The following VASH2 variants were observed in gnomAD, a reference collection of about 807,000 sequenced individuals.
VASH2 encodes tubulinyl-Tyr carboxypeptidase 2.
In VASH2, 28 loss-of-function variants were observed where a neutral mutation model predicts 37.2. The observed-to-expected ratio is 0.75, with a 90% CI of 0.56 to 1.03. VASH2 has a LOEUF of 1.03. Ranked by LOEUF, VASH2 falls within the 50% of genes least tolerant of loss-of-function variation. VASH2 has a pLI of 0.00. For synonymous variants in VASH2, 188 were observed against 174.7 expected (o/e 1.08, Z -0.60); for missense variants, 419 against 459.1 (o/e 0.91, Z 0.80).
chr1:212,953,264 G>A (rs2102615721), intron 2 of VASH2, among the ~76,000 whole-genome samples: 1 of 152,146 alleles, frequency 6.6e-6, no homozygotes, highest in East Asian at 1.9e-4. Context: ...GGGAATCATG[G>A]AATTTTGCTG....
At chr1:212,986,568 T>C (rs1438322614) in intron 7 of VASH2, among the ~76,000 whole-genome samples, 1 of 152,168 alleles carries the variant, frequency 6.6e-6, no homozygotes, top group Non-Finnish European at 1.5e-5. Flanking sequence ...CAAGCAAACA[T>C]GTGTTCCTTT....
chr1:212,966,366 G>T, intron 5 of VASH2, 21 bp downstream of exon 5: 2 of 1,548,394 alleles, frequency 1.3e-6, no homozygotes, highest in Non-Finnish European at 1.7e-6. Flanking sequence ...AGTTATGTAT[G>T]CTTAGTTTAC....
intron 3 of VASH2, among the ~76,000 whole-genome samples, chr1:212,963,775 T>C (rs73084268): frequency 6.6e-6 from 1 of 152,006 alleles, no homozygotes; most frequent in South Asian, 2.1e-4. Flanking sequence ...ACTTTTTTTT[T>C]TTATTTTACT....
Position 212,972,698 on chromosome 1 carries a change from T to G in VASH2, c.616T>G (p.Ser206Ala), listed in dbSNP as rs1667044512. The G allele has an allele frequency of 6.2e-7, 1 of 1,614,110 alleles. No homozygotes were observed. The highest frequency in any genetic ancestry group is 1.7e-5 in the Admixed American group (1 of 59,996). ...LGIYCNGRYGSLGMSRRAELM... is the reference protein window; with the variant it reads ...LGIYCNGRYGALGMSRRAELM... ...GATTTACTGCAATGGCCGCTATGGC[T>G]CATTGGGCATGAGCCGCAGGGCTGA... is the stretch of plus-strand genomic sequence containing the variant. The change falls in exon 6 of 8, where the codon TCA (serine) becomes GCA (alanine). Residue 206 changes from serine to alanine, a missense_variant. This residue lies in a region of VASH2 where 84 missense variants were observed against 129.9 expected (regional missense o/e 0.65). Transcript: ENST00000517399.
chr1:212,980,442 T>C (rs1667309540), intron 7 of VASH2, among the ~76,000 whole-genome samples: 1 of 152,184 alleles, frequency 6.6e-6, no homozygotes, highest in African/African-American at 2.4e-5. Context: ...TCCCCTTTTC[T>C]TCCTCTTTGA....
At position 212,951,455 on chromosome 1, in the gene VASH2, CCGCGCCCG is replaced by C; in HGVS notation, c.-82_-75del. 1 of 799,796 alleles carries C rather than the reference CCGCGCCCG, an allele frequency of 1.3e-6. No homozygotes were observed. The highest frequency in any genetic ancestry group is 1.5e-6 in the Non-Finnish European group (1 of 651,348). 49.5% of individuals were successfully genotyped at this position (799,796 alleles called of 1,614,324 possible). On this transcript the variant is annotated 5_prime_UTR_variant, in exon 2 of 8. Coordinates refer to ENST00000517399, the MANE Select transcript of VASH2 (RefSeq NM_001301056.2). This position sits in a 1 kb window ranked among gnomAD's most constrained non-coding sequence, Gnocchi z 4.4. Reference sequence around the variant, plus strand: ...CCCCCGCGGGGCGCTGATCCCCTCGCCGCGCCCGCGCGCACACGCCCCCCGCCGCCGCC... The same window carrying C: ...CCCCCGCGGGGCGCTGATCCCCTCGCCGCGCACACGCCCCCCGCCGCCGCC...
At position 212,966,309 on chromosome 1, in the gene VASH2, T is replaced by A; in HGVS notation, c.461T>A (p.Leu154Ter). 2 of 1,551,736 alleles carry A rather than the reference T, an allele frequency of 1.3e-6. No individual in the cohort carries two copies. The highest frequency in any genetic ancestry group is 1.7e-6 in the Non-Finnish European group (2 of 1,146,998). ...GCAAAAGAAATGACCCGAGAGTCCTTGCCTATCAAATGCCTTGAAGCTGTC... is the reference window on the plus strand; with the variant it reads ...GCAAAAGAAATGACCCGAGAGTCCTAGCCTATCAAATGCCTTGAAGCTGTC... ...ETAKEMTRES[L>*]PIKCLEAVIL... Residue 154 changes from leucine to a stop codon, truncating the protein, a stop_gained, in exon 5 of 8, where the codon TTG (leucine) becomes TAG (stop). Coordinates refer to ENST00000517399, the MANE Select transcript of VASH2 (RefSeq NM_001301056.2). LOFTEE classifies it high-confidence loss of function.
intron 3 of VASH2, chr1:212,961,468 C>G (rs916958224): frequency 2.5e-5 from 25 of 989,336 alleles, no homozygotes; most frequent in Non-Finnish European, 1.8e-5. Flanking sequence ...TCCCCTTGAG[C>G]CCTTCTGCTT....
In VASH2 at chr1:212,971,162, T is replaced by C. The variant is rs189167708; in HGVS notation, c.498-1418T>C. On this transcript the variant is annotated intron_variant, in intron 5 of 7. Transcript: ENST00000517399. The surrounding 1 kb of genome is among the most constrained non-coding windows in gnomAD (Gnocchi z 4.0). ...ATGAGGCTGAATAAATTCTATTACA[T>C]GTATACACTACATTTTGTTCATCCC... Among the ~76,000 whole-genome samples the C allele has an allele frequency of 6.6e-6, 1 of 152,376 alleles. No homozygotes were observed. Among genetic ancestry groups the C allele is most frequent in the Non-Finnish European group, 1.5e-5 (1 of 68,042 alleles).
At chr1:212,973,555 CAT>C (rs956518039) in intron 6 of VASH2, 2 of 1,283,822 alleles carry the variant, frequency 1.6e-6, no homozygotes, top group African/African-American at 1.5e-5. Context: ...ACCATTCTGT[CAT>C]ATGTGTGGGA....
intron 7 of VASH2, among the ~76,000 whole-genome samples, chr1:212,985,748 C>T (rs921718992): frequency 2.0e-5 from 3 of 152,118 alleles, no homozygotes; most frequent in Non-Finnish European, 2.9e-5. Flanking sequence ...CCACTCCAGC[C>T]GTCGCTTCCA....
chr1:212,973,023 G>T, intron 6 of VASH2, 62 bp downstream of exon 6: 1 of 1,561,522 alleles, frequency 6.4e-7, no homozygotes, highest in East Asian at 2.3e-5. Flanking sequence ...CTTTCTCTCT[G>T]TCTCTTGCTC....
intron 3 of VASH2, among the ~76,000 whole-genome samples, chr1:212,962,429 G>C (rs1343811095): frequency 6.6e-6 from 1 of 152,174 alleles, no homozygotes; most frequent in Non-Finnish European, 1.5e-5. Context: ...CTGGCTTTCT[G>C]TTTGTCTGTC....
intron 4 of VASH2, chr1:212,966,023 G>C: frequency 1.7e-6 from 1 of 600,376 alleles, no homozygotes; most frequent in Non-Finnish European, 2.9e-6. Flanking sequence ...GCCTCTCGAG[G>C]CTTCATTTAT....
At position 212,965,621 on chromosome 1, in the gene VASH2, C is replaced by T. The variant is rs76023698; in HGVS notation, c.366-101C>T. On this transcript the variant is annotated intron_variant, in intron 3 of 7. Coordinates refer to ENST00000517399, the MANE Select transcript of VASH2 (RefSeq NM_001301056.2). ...TGCTGGCGACTTCTGAAAGCCCTCA[C>T]ATCCTCATCTCATTGAGAAATCAGA... The T allele has an allele frequency of 9.2e-4, 1,038 of 1,133,020 alleles. 5 individuals are homozygous for T. In the African/African-American group the frequency reaches 0.013, roughly 14 times the overall value. 70.2% of individuals were successfully genotyped at this position (1,133,020 alleles called of 1,614,324 possible). A position where few individuals can be genotyped will look rare whatever the true frequency, so the allele number is the denominator to read the frequency against.
chr1:212,960,063 C>A (rs1666625865), intron 2 of VASH2, among the ~76,000 whole-genome samples: 1 of 152,194 alleles, frequency 6.6e-6, no homozygotes, highest in Non-Finnish European at 1.5e-5. Context: ...ACAAAACCAA[C>A]CAAGAAAACC....
intron 5 of VASH2, chr1:212,967,360 C>A: frequency 1.7e-6 from 2 of 1,211,122 alleles, no homozygotes; most frequent in South Asian, 2.9e-5. Flanking sequence ...CAGGAACAGC[C>A]TTTGAGCCTG....
Position 212,951,464 on chromosome 1 carries a change from C to A in VASH2, c.-79C>A. The A allele has an allele frequency of 1.1e-6, 1 of 896,830 alleles. No homozygotes were observed. The highest frequency in any genetic ancestry group is 1.4e-6 in the Non-Finnish European group (1 of 731,442). 55.6% of individuals were successfully genotyped at this position (896,830 alleles called of 1,614,324 possible). On this transcript the variant is annotated 5_prime_UTR_variant, in exon 2 of 8. Transcript: ENST00000517399. The surrounding 1 kb of genome is among the most constrained non-coding windows in gnomAD (Gnocchi z 4.4). ...GGCGCTGATCCCCTCGCCGCGCCCG[C>A]GCGCACACGCCCCCCGCCGCCGCCG...
chr1:212,970,288 A>C (rs1166353486), intron 5 of VASH2, among the ~76,000 whole-genome samples: 2 of 152,104 alleles, frequency 1.3e-5, no homozygotes, highest in Admixed American at 1.3e-4. Context: ...AGGCTTTACC[A>C]GTTGACATCA....
Sources: gnomAD v4.1 joint callset for allele counts (sites outside exome capture counted in the v4.1 genomes callset) on GRCh38, gnomAD v4.1.1 for gene constraint, gnomAD v4.1.1 regional missense constraint, Gnocchi (gnomAD v3.1) non-coding constraint, MANE v1.5 for transcripts, NCBI Gene and HGNC (gene_info 2026-07-23, HGNC 2026-07-21) for gene names.